CNTLN: variants seen among roughly 807,000 people sequenced by gnomAD.
CNTLN encodes centlein, also known as centlein, centrosomal protein.
CNTLN carries 212 observed loss-of-function variants against 180.0 expected under a neutral mutation model. The ratio of observed to expected loss-of-function variants is 1.18; its 90% CI spans 1.05 to 1.32. The LOEUF (loss-of-function observed/expected upper bound fraction) is 1.32, where lower values mean the gene tolerates loss of function less well. CNTLN is among the 40% of genes most tolerant of loss of function. The pLI is 0.00. For synonymous variants in CNTLN, 722 were observed against 563.1 expected (o/e 1.28, Z -3.99); for missense variants, 2,095 against 1,610.9 (o/e 1.30, Z -5.14).
chr9:17,431,809 C>T (rs562637952), intron 18 of CNTLN, among the ~76,000 whole-genome samples: 23 of 152,130 alleles, frequency 1.5e-4, no homozygotes, highest in Non-Finnish European at 2.9e-4. Context: ...ACATCACTTA[C>T]TAGGTATAAC....
chr9:17,409,300 T>C lies in CNTLN; in HGVS notation c.2623T>C (p.Ser875Pro). Residue 875 changes from serine to proline, a missense_variant, in exon 16 of 26, where the codon TCT (serine) becomes CCT (proline). Coordinates refer to ENST00000380647, the MANE Select transcript of CNTLN (RefSeq NM_017738.4). ...CTACTTTTTTCTAAAAAGCAGTGAT[T>C]CTGAAGCACAGACCTCTCAAACTTT... ...WEDVSESSSD[S>P]EAQTSQTLGT... The C allele has an allele frequency of 1.2e-6, 2 of 1,608,692 alleles. No homozygotes were observed. The highest frequency in any genetic ancestry group is 1.7e-6 in the Non-Finnish European group (2 of 1,178,602).
intron 2 of CNTLN, among the ~76,000 whole-genome samples, chr9:17,222,526 C>A (rs1345590899): frequency 6.6e-6 from 1 of 151,902 alleles, no homozygotes; most frequent in Admixed American, 6.6e-5. Flanking sequence ...CAGGGGTTTC[C>A]GCTTTTGCAT....
chr9:17,403,159 G>C (rs929567879), intron 15 of CNTLN, among the ~76,000 whole-genome samples: 4 of 151,682 alleles, frequency 2.6e-5, no homozygotes, highest in East Asian at 1.9e-4. Flanking sequence ...TTCGTGGATG[G>C]ACCTTTTGGA....
chr9:17,373,354 CAAG>C (rs888158143), intron 13 of CNTLN, among the ~76,000 whole-genome samples: 6 of 151,982 alleles, frequency 3.9e-5, no homozygotes, highest in Admixed American at 6.6e-5. Flanking sequence ...AAAAAGAAAT[CAAG>C]AAAGCTAATT....
chr9:17,405,532 A>G (rs1564077169), intron 15 of CNTLN, among the ~76,000 whole-genome samples: 1 of 151,666 alleles, frequency 6.6e-6, no homozygotes. Flanking sequence ...TCTTATAACA[A>G]ACTCACTCCC....
chr9:17,323,237 A>G (rs571087008), intron 8 of CNTLN, among the ~76,000 whole-genome samples: 1 of 152,292 alleles, frequency 6.6e-6, no homozygotes, highest in African/African-American at 2.4e-5. Context: ...CTGAGGCAAT[A>G]TGGCTCGCAA....
intron 13 of CNTLN, among the ~76,000 whole-genome samples, chr9:17,370,602 A>T (rs1267676954): frequency 6.6e-6 from 1 of 152,214 alleles, no homozygotes. Context: ...TGAGTAATAA[A>T]TCATCTGAAG....
intron 7 of CNTLN, among the ~76,000 whole-genome samples, chr9:17,305,032 A>G (rs1274247065): frequency 6.6e-6 from 1 of 152,174 alleles, no homozygotes; most frequent in Non-Finnish European, 1.5e-5. Flanking sequence ...ATAACAGAGC[A>G]TATACATTTT....
intron 15 of CNTLN, among the ~76,000 whole-genome samples, chr9:17,405,465 C>G (rs1037933021): frequency 1.3e-5 from 2 of 151,722 alleles, no homozygotes; most frequent in African/African-American, 4.9e-5. Flanking sequence ...GAAGGTGGAA[C>G]GGCAAGGAGC....
chr9:17,476,256 C>T (rs1351382467), intron 23 of CNTLN, among the ~76,000 whole-genome samples: 1 of 152,094 alleles, frequency 6.6e-6, no homozygotes, highest in Non-Finnish European at 1.5e-5. Flanking sequence ...ACTGTTCCGC[C>T]CAACTGTCTT....
chr9:17,479,948 C>A (rs1186655870), intron 23 of CNTLN, among the ~76,000 whole-genome samples: 1 of 152,114 alleles, frequency 6.6e-6, no homozygotes, highest in Non-Finnish European at 1.5e-5. Context: ...CTAGCTTGTA[C>A]CACAAGAGCC....
intron 6 of CNTLN, among the ~76,000 whole-genome samples, chr9:17,289,435 C>T (rs1270166374): frequency 1.6e-5 from 2 of 125,230 alleles, no homozygotes; most frequent in African/African-American, 7.1e-5. Context: ...TCTGGCTGCC[C>T]TTAACATTTT....
chr9:17,344,835 C>T (rs1295943310), intron 12 of CNTLN, among the ~76,000 whole-genome samples: 2 of 152,056 alleles, frequency 1.3e-5, no homozygotes, highest in African/African-American at 2.4e-5. Flanking sequence ...CCACTACAAT[C>T]GGTATGCAAA....
At chr9:17,345,736 A>C (rs1316700346) in intron 12 of CNTLN, among the ~76,000 whole-genome samples, 1 of 152,118 alleles carries the variant, frequency 6.6e-6, no homozygotes, top group African/African-American at 2.4e-5. Context: ...AAGATGTGAT[A>C]GGTTTTGCTT....
chr9:17,213,882 C>T (rs1250104002), intron 2 of CNTLN, among the ~76,000 whole-genome samples: 1 of 152,114 alleles, frequency 6.6e-6, no homozygotes, highest in Non-Finnish European at 1.5e-5. Context: ...GCAACCCCTG[C>T]CTTTTTTTGT....
chr9:17,348,168 G>T (rs146555399), intron 12 of CNTLN, among the ~76,000 whole-genome samples: 1 of 151,964 alleles, frequency 6.6e-6, no homozygotes, highest in East Asian at 1.9e-4. Flanking sequence ...TATGTCGTAC[G>T]TCACTTATTG....
intron 12 of CNTLN, among the ~76,000 whole-genome samples, chr9:17,347,320 C>G (rs1320748061): frequency 3.3e-5 from 5 of 152,138 alleles, no homozygotes; most frequent in Admixed American, 6.5e-5. Context: ...AGATGTTTCT[C>G]AACCTACCTT....
chr9:17,507,636 A>G (rs532552848), downstream of CNTLN, among the ~76,000 whole-genome samples: 1 of 152,354 alleles, frequency 6.6e-6, no homozygotes, highest in South Asian at 2.1e-4. Flanking sequence ...GTGGCTTAAT[A>G]TAATGGATAA....
intron 5 of CNTLN, among the ~76,000 whole-genome samples, chr9:17,251,363 T>G (rs1385533529): frequency 1.3e-5 from 2 of 151,992 alleles, no homozygotes; most frequent in African/African-American, 2.4e-5. Flanking sequence ...TGGTCCCTTC[T>G]CCTGTTGGGA....
Sources: allele counts gnomAD v4.1 joint callset (sites outside exome capture counted in the v4.1 genomes callset), GRCh38; gene constraint gnomAD v4.1.1; transcripts MANE v1.5; gene names NCBI Gene and HGNC (gene_info 2026-07-23, HGNC 2026-07-21).